TKT: variants seen among roughly 807,000 people sequenced by gnomAD.
TKT encodes epididymis luminal protein 107.
In TKT, 47 loss-of-function variants were observed where a neutral mutation model predicts 63.9. The observed-to-expected ratio is 0.74, with a 90% CI of 0.58 to 0.94. The LOEUF (loss-of-function observed/expected upper bound fraction) is 0.94. Among genes scored for constraint, TKT ranks in the 40% least tolerant of loss-of-function variants. The probability of loss-of-function intolerance (pLI) is 0.00; values close to 1 mark genes in which losing one functional copy is unlikely to be tolerated. For synonymous variants in TKT, 338 were observed against 334.1 expected (o/e 1.01, Z -0.13); for missense variants, 721 against 846.2 (o/e 0.85, Z 1.84).
At position 53,229,072 on chromosome 3, in the gene TKT, T is replaced by G. The variant is rs1704625035; in HGVS notation, c.1330A>C (p.Thr444Pro). ...ACGCCATCACTTGGGTAAAAGACAG[T>G]TGATGTGGGGACTGACCGAAACATA... ...LAMFRSVPTS[T>P]VFYPSDGVAT... The change falls in exon 10 of 14, where the codon ACT (threonine) becomes CCT (proline). Residue 444 changes from threonine (T) to proline (P), a missense_variant. Coordinates refer to ENST00000462138, the MANE Select transcript of TKT (RefSeq NM_001064.4). The G allele has an allele frequency of 6.2e-7, 1 of 1,614,142 alleles. No individual in the cohort carries two copies. Among genetic ancestry groups the G allele is most frequent in the Non-Finnish European group, 8.5e-7 (1 of 1,180,018 alleles).
At position 53,226,532 on chromosome 3, in the gene TKT, G is replaced by A. The variant is rs146715436; in HGVS notation, c.1696+224C>T. 2,149 of 564,928 alleles carry A rather than the reference G, an allele frequency of 3.8e-3. 8 individuals are homozygous for A. Among genetic ancestry groups the A allele is most frequent in the Non-Finnish European group, 5.2e-3 (1,690 of 325,714 alleles). The allele number at this position is 564,928 out of a possible 1,614,324, so 35.0% of individuals were successfully genotyped here. A position where few individuals can be genotyped will look rare whatever the true frequency, so the allele number is the denominator to read the frequency against. On this transcript the variant is annotated intron_variant, in intron 13 of 13. Transcript: ENST00000462138. ...AGGTTGGAATCCTCACCAGCTTCCT[G>A]GGCAGCAGGAGCTCCACAGAGCTCA...
intron 1 of TKT, among the ~76,000 whole-genome samples, chr3:53,247,595 G>C (rs1234774537): frequency 1.3e-4 from 16 of 120,770 alleles, no homozygotes; most frequent in African/African-American, 4.8e-4. Context: ...AGCCGAGATC[G>C]CACCACTGCA....
Position 53,226,886 on chromosome 3 carries a change from G to C in TKT, c.1574-8C>G. 6.2e-7 allele frequency: 1 copy of C among 1,600,298 alleles called. No individual in the cohort carries two copies. The highest frequency in any genetic ancestry group is 8.5e-7 in the Non-Finnish European group (1 of 1,172,310). Reference sequence around the variant, plus strand: ...CGCGGATGTTGATCTTTTCTGTGAGGGAGAGCACACGGCGTGGCTGAGGGG... The same window carrying C: ...CGCGGATGTTGATCTTTTCTGTGAGCGAGAGCACACGGCGTGGCTGAGGGG... On this transcript the variant is annotated splice_polypyrimidine_tract_variant and splice_region_variant and intron_variant, in intron 12 of 13. Coordinates refer to ENST00000462138, the MANE Select transcript of TKT (RefSeq NM_001064.4).
In TKT at chr3:53,231,524, C is replaced by T; in HGVS notation, c.775G>A (p.Gly259Arg). Reference protein sequence around the residue: ...TGVEDKESWHGKPLPKNMAEQ... With the variant: ...TGVEDKESWHRKPLPKNMAEQ... ...GCCATGTTTTTGGGGAGGGGCTTCC[C>T]ATGCCAAGACTCCTTATCTTCTACC... The change falls in exon 7 of 14, where the codon GGG (glycine) becomes AGG (arginine). Residue 259 changes from glycine to arginine, a missense_variant. Physicochemically the swap from Gly to Arg is moderately radical, Grantham distance 125. Coordinates refer to ENST00000462138, the MANE Select transcript of TKT (RefSeq NM_001064.4). 1 of 1,614,024 alleles carries T rather than the reference C, an allele frequency of 6.2e-7. No homozygotes were observed. The highest frequency in any genetic ancestry group is 8.5e-7 in the Non-Finnish European group (1 of 1,179,990).
chr3:53,236,958 A>G (rs1705060900), intron 4 of TKT, among the ~76,000 whole-genome samples: 1 of 152,256 alleles, frequency 6.6e-6, no homozygotes, highest in African/African-American at 2.4e-5. Context: ...TAATTTGAAG[A>G]GAGGGAACCC....
chr3:53,241,987 G>A, intron 2 of TKT, 138 bp downstream of exon 2: 1 of 761,430 alleles, frequency 1.3e-6, no homozygotes, highest in Non-Finnish European at 2.3e-6. Flanking sequence ...CTGAGGGAGA[G>A]GCCAGGACGA....
chr3:53,248,598 C>T lies in TKT; in HGVS notation c.108-6356G>A, dbSNP rs1705615617. Among the ~76,000 whole-genome samples the T allele has an allele frequency of 2.0e-5, 3 of 151,770 alleles. No homozygotes were observed. In the Admixed American group the frequency reaches 2.0e-4, roughly 10 times the overall value. ...GTGCCATGACTGTGCCATTGCACTC[C>T]AGCTTCGGGACACAGTGGAGACCCT... On this transcript the variant is annotated intron_variant, in intron 1 of 13. Coordinates refer to ENST00000462138, the MANE Select transcript of TKT (RefSeq NM_001064.4).
rs1553681097 is a variant in TKT at position 53,247,378 on chromosome 3, A to AAAAAAAT, written c.108-5137_108-5136insATTTTTT. Among the ~76,000 whole-genome samples the AAAAAAAT allele has an allele frequency of 5.4e-3, 794 of 147,530 alleles. 5 individuals are homozygous for AAAAAAAT. Among genetic ancestry groups the AAAAAAAT allele is most frequent in the Non-Finnish European group, 1.0e-2 (664 of 66,618 alleles). The stretch of plus-strand genomic sequence containing the variant: ...GCCTCAAAAAAAAAAAAAAAAAAAA[A>AAAAAAAT]TTTAGAAGAGGCCAGGGGCGGTGGC... On this transcript the variant is annotated intron_variant, in intron 1 of 13. Transcript: ENST00000462138.
rs374270373 is a variant in TKT, at chr3:53,241,132, C to T, written c.339G>A (p.Pro113=). Residue 113 remains proline (P), a splice_region_variant and synonymous_variant, in exon 3 of 14, where the codon CCG becomes CCA. Coordinates refer to ENST00000462138, the MANE Select transcript of TKT (RefSeq NM_001064.4). ...GGGAGGCTCTGGCAGGAGCACTTAC[C>T]GGGACCGGGTGCCCGTCCAAGTCGG... The part of the protein sequence containing the change: ...ISSDLDGHPV[P]KQAFTDVATG... 1.7e-5 allele frequency: 27 copies of T among 1,553,074 alleles called. No individual in the cohort carries two copies. Among genetic ancestry groups the T allele is most frequent in the African/African-American group, 5.7e-5 (4 of 70,542 alleles).
chr3:53,250,767 T>C (rs1705709102), intron 1 of TKT, among the ~76,000 whole-genome samples: 2 of 151,870 alleles, frequency 1.3e-5, no homozygotes, highest in African/African-American at 4.8e-5. Context: ...GAACCTGAGA[T>C]AGGAAGGTTT....
chr3:53,230,181 C>G (rs1553676682), intron 8 of TKT, among the ~76,000 whole-genome samples: 1 of 152,236 alleles, frequency 6.6e-6, no homozygotes. Flanking sequence ...CCATTCACCA[C>G]CAGGCCTGGC....
In TKT at chr3:53,234,778, C is replaced by T. The variant is rs1197169660; in HGVS notation, c.629+205G>A. On this transcript the variant is annotated intron_variant, in intron 5 of 13. Transcript: ENST00000462138. ...ACAACCACGAAAACAAGGAAACTCACTTAAAACTGGGCCTGGCCCACATAT... is the reference window on the plus strand; with the variant it reads ...ACAACCACGAAAACAAGGAAACTCATTTAAAACTGGGCCTGGCCCACATAT... 6.3e-5 allele frequency: 30 copies of T among 475,800 alleles called. No individual in the cohort carries two copies. In the East Asian group the frequency reaches 1.0e-3, roughly 16 times the overall value. 29.5% of individuals were successfully genotyped at this position (475,800 alleles called of 1,614,324 possible).
chr3:53,230,475 G>A lies in TKT; in HGVS notation c.1089C>T (p.Tyr363=), dbSNP rs1704700089. ...KEHPDRFIEC[Y]IAEQNMVSIA... ...CACCTACCATGTTCTGCTCAGCAATGTAGCACTCGATGAAGCGGTCCGGGT... is the reference window on the plus strand; with the variant it reads ...CACCTACCATGTTCTGCTCAGCAATATAGCACTCGATGAAGCGGTCCGGGT... Residue 363 remains tyrosine (Y), a synonymous_variant, in exon 8 of 14, where the codon TAC becomes TAT. Coordinates refer to ENST00000462138, the MANE Select transcript of TKT (RefSeq NM_001064.4). 3.7e-6 allele frequency: 6 copies of A among 1,614,244 alleles called. No homozygotes were observed. Among genetic ancestry groups the A allele is most frequent in the Non-Finnish European group, 5.1e-6 (6 of 1,180,040 alleles).
chr3:53,249,666 T>TGTA, intron 1 of TKT, among the ~76,000 whole-genome samples: 1 of 152,140 alleles, frequency 6.6e-6, no homozygotes, highest in East Asian at 1.9e-4. Flanking sequence ...CTTCCAGCTG[T>TGTA]GTAGTCCTCG....
chr3:53,256,016 T>C lies in TKT; in HGVS notation c.-74A>G. 2 of 913,858 alleles carry C rather than the reference T, an allele frequency of 2.2e-6. No individual in the cohort carries two copies. 56.6% of individuals were successfully genotyped at this position (913,858 alleles called of 1,614,324 possible). On this transcript the variant is annotated 5_prime_UTR_variant, in exon 1 of 14. Coordinates refer to ENST00000462138, the MANE Select transcript of TKT (RefSeq NM_001064.4). ...GGCTGCTCCCGCGGCGACAGGCGGC[T>C]GCCGAGGCCGGGCGCGGGGCGGGGG...
At chr3:53,243,590 A>G (rs1485355372) in intron 1 of TKT, 11 of 456,542 alleles carry the variant, frequency 2.4e-5, no homozygotes, top group East Asian at 6.9e-5. Flanking sequence ...AACTATTTCT[A>G]TGAACTCCCG....
rs1315578555 is a variant in TKT, at chr3:53,235,190, G to GA, written c.438-17dup. ...GACTCGGTAGCTGTGGACAGAGAGT[G>GA]AATCAGGCCAGTCCCTCTCACCTGG... On this transcript the variant is annotated splice_polypyrimidine_tract_variant and intron_variant, in intron 4 of 13. Coordinates refer to ENST00000462138, the MANE Select transcript of TKT (RefSeq NM_001064.4). 5.0e-6 allele frequency: 8 copies of GA among 1,597,696 alleles called. No homozygotes were observed. The African/African-American group carries it at 8.0e-5, about 16-fold the overall frequency.
intron 1 of TKT, among the ~76,000 whole-genome samples, chr3:53,249,836 G>T (rs1207755745): frequency 3.3e-5 from 5 of 152,164 alleles, no homozygotes; most frequent in African/African-American, 1.2e-4. Context: ...GCAGGTCCCT[G>T]ACCTCTAGAA....
chr3:53,230,400 C>T, intron 8 of TKT, 57 bp downstream of exon 8: 6 of 1,610,548 alleles, frequency 3.7e-6, no homozygotes, highest in Non-Finnish European at 4.2e-6. Context: ...CCCCGCACCC[C>T]TCAGACCACA....
Sources: gnomAD v4.1 joint callset for allele counts (sites outside exome capture counted in the v4.1 genomes callset) on GRCh38, gnomAD v4.1.1 for gene constraint, MANE v1.5 for transcripts, NCBI Gene and HGNC (gene_info 2026-07-23, HGNC 2026-07-21) for gene names.